Variants in SMCO4 observed in about 807,000 individuals in gnomAD.
SMCO4 encodes the protein single-pass membrane and coiled-coil domain-containing protein 4.
A neutral mutation model predicts 3.6 loss-of-function variants in SMCO4; 4 were observed. The ratio of observed to expected loss-of-function variants is 1.11; its 90% CI spans 0.54 to 2.53. SMCO4 has a LOEUF of 2.53. Ranked by LOEUF, SMCO4 falls within the 30% of genes most tolerant of loss-of-function variation. The probability of loss-of-function intolerance (pLI) is 0.02; values close to 1 mark genes in which losing one functional copy is unlikely to be tolerated. For synonymous variants in SMCO4, 36 were observed against 35.3 expected (o/e 1.02, Z -0.07); for missense variants, 70 against 80.8 (o/e 0.87, Z 0.51).
intron 1 of SMCO4, among the ~76,000 whole-genome samples, chr11:93,507,192 G>T (rs552674902): frequency 6.6e-6 from 1 of 152,160 alleles, no homozygotes; most frequent in African/African-American, 2.4e-5. Flanking sequence ...ATCACCTGAG[G>T]TCAGGAGTTC....
intron 1 of SMCO4, among the ~76,000 whole-genome samples, chr11:93,511,055 T>C (rs11606505): frequency 0.14 from 21,695 of 151,882 alleles, 1,647 homozygotes; most frequent in Non-Finnish European, 0.17. Flanking sequence ...ACCAAGATTA[T>C]ACCACTGCAC....
At chr11:93,517,741 G>T (rs1035790698) in intron 1 of SMCO4, among the ~76,000 whole-genome samples, 14 of 152,164 alleles carry the variant, frequency 9.2e-5, no homozygotes, top group African/African-American at 3.4e-4. Context: ...AGAAAAAACA[G>T]GCTGAAAGGG....
At chr11:93,491,416 T>C (rs1253100987) in intron 2 of SMCO4, among the ~76,000 whole-genome samples, 1 of 152,220 alleles carries the variant, frequency 6.6e-6, no homozygotes, top group African/African-American at 2.4e-5. Flanking sequence ...ATCTGCCTTG[T>C]TGTTTACTTA....
chr11:93,548,235 T>C (rs1242940918), upstream of SMCO4, among the ~76,000 whole-genome samples: 2 of 152,242 alleles, frequency 1.3e-5, no homozygotes, highest in African/African-American at 4.8e-5. Flanking sequence ...GCAATTCTTG[T>C]ATCAATGATT....
chr11:93,520,009 A>C (rs1053995522), intron 1 of SMCO4, among the ~76,000 whole-genome samples: 4 of 152,230 alleles, frequency 2.6e-5, no homozygotes, highest in Non-Finnish European at 5.9e-5. Context: ...AGAAAAGCAA[A>C]GGTTAGCAGG....
intron 1 of SMCO4, chr11:93,535,497 T>G (rs557722536): frequency 8.8e-6 from 12 of 1,366,686 alleles, no homozygotes; most frequent in Non-Finnish European, 9.3e-6. Context: ...GAGCAGCTCC[T>G]GACGGAGCTG....
intron 2 of SMCO4, among the ~76,000 whole-genome samples, chr11:93,494,620 A>G (rs1450093743): frequency 6.6e-6 from 1 of 152,210 alleles, no homozygotes; most frequent in Non-Finnish European, 1.5e-5. Context: ...CACTAACTTA[A>G]CACCAATCAC....
upstream of SMCO4, among the ~76,000 whole-genome samples, chr11:93,546,088 G>A (rs1208479894): frequency 6.6e-6 from 1 of 152,186 alleles, no homozygotes; most frequent in East Asian, 1.9e-4. Context: ...CTAAGTGTTA[G>A]GGTGGTTTGT....
In SMCO4 at chr11:93,529,209, A is replaced by G. The variant is rs566245276; in HGVS notation, c.-154+14067T>C. The stretch of plus-strand genomic sequence containing the variant: ...AGGAAGCTCTTTTGATGTGCTAAGG[A>G]AAGAACACCCTAAAAATAACTTCTG... On this transcript the variant is annotated intron_variant, in intron 1 of 2. Transcript: ENST00000298966. Among the ~76,000 whole-genome samples, 4 of 152,338 alleles carry G rather than the reference A, an allele frequency of 2.6e-5. No homozygotes were observed. The East Asian group carries it at 7.7e-4, about 29-fold the overall frequency.
intron 1 of SMCO4, among the ~76,000 whole-genome samples, chr11:93,518,057 A>G (rs549204217): frequency 6.6e-6 from 1 of 152,242 alleles, no homozygotes; most frequent in Non-Finnish European, 1.5e-5. Context: ...AAACATTTTC[A>G]TCAACCCAAA....
intron 2 of SMCO4, among the ~76,000 whole-genome samples, chr11:93,493,867 C>G (rs1037036495): frequency 6.6e-6 from 1 of 152,156 alleles, no homozygotes; most frequent in Non-Finnish European, 1.5e-5. Context: ...CTCGCCAATG[C>G]TGCCCAAGCC....
intron 2 of SMCO4, 88 bp from the exon 3 acceptor site, chr11:93,479,357 A>C: frequency 1.6e-6 from 2 of 1,232,916 alleles, no homozygotes; most frequent in South Asian, 2.0e-5. Flanking sequence ...ACTAGGAAAA[A>C]TATCTGCAAC....
intron 2 of SMCO4, among the ~76,000 whole-genome samples, chr11:93,498,795 G>C (rs1451700260): frequency 2.6e-5 from 4 of 152,170 alleles, no homozygotes; most frequent in Non-Finnish European, 4.4e-5. Flanking sequence ...ACAGGAGCAG[G>C]CCTCTTGTGG....
intron 1 of SMCO4, among the ~76,000 whole-genome samples, chr11:93,514,045 A>T (rs1948982591): frequency 1.3e-5 from 2 of 152,130 alleles, no homozygotes; most frequent in Non-Finnish European, 2.9e-5. Context: ...CCTCCTTTGC[A>T]TACTGCCCTG....
chr11:93,531,332 T>G (rs541288675), intron 1 of SMCO4, among the ~76,000 whole-genome samples: 8 of 152,290 alleles, frequency 5.3e-5, no homozygotes, highest in African/African-American at 1.7e-4. Context: ...TGCTGGCTTT[T>G]GGACTAGAAC....
At chr11:93,494,349 T>C (rs1296456080) in intron 2 of SMCO4, among the ~76,000 whole-genome samples, 4 of 152,124 alleles carry the variant, frequency 2.6e-5, no homozygotes, top group Non-Finnish European at 5.9e-5. Context: ...CACTTCAGAG[T>C]GCAGGGTTAA....
At chr11:93,532,894 C>T (rs1193462738) in intron 1 of SMCO4, among the ~76,000 whole-genome samples, 1 of 152,200 alleles carries the variant, frequency 6.6e-6, no homozygotes, top group Non-Finnish European at 1.5e-5. Context: ...TATTGTCTGT[C>T]ATCCTCACTA....
intron 2 of SMCO4, among the ~76,000 whole-genome samples, chr11:93,498,901 A>C (rs908716561): frequency 1.3e-5 from 2 of 152,172 alleles, no homozygotes; most frequent in East Asian, 3.9e-4. Flanking sequence ...TTACTGGGGA[A>C]AACACAAAAA....
rs1425892195 is a variant in SMCO4, at chr11:93,535,539, G to A, written c.-154+7737C>T. ...CTTTTCCAGAAGTGCTGGACATCAG[G>A]CAGCATCATATCACCTTGAAGAAGT... On this transcript the variant is annotated intron_variant, in intron 1 of 2. Coordinates refer to ENST00000298966, the MANE Select transcript of SMCO4 (RefSeq NM_020179.3). The A allele has an allele frequency of 2.1e-6, 3 of 1,422,534 alleles. No individual in the cohort carries two copies. The Admixed American group carries it at 5.0e-5, about 24-fold the overall frequency. The allele number at this position is 1,422,534 out of a possible 1,614,324, so 88.1% of individuals were successfully genotyped here.
Sources: allele counts gnomAD v4.1 joint callset (sites outside exome capture counted in the v4.1 genomes callset), GRCh38; gene constraint gnomAD v4.1.1; transcripts MANE v1.5; gene names NCBI Gene and HGNC (gene_info 2026-07-23, HGNC 2026-07-21).